CFAP52: variants seen among roughly 807,000 people sequenced by gnomAD.
CFAP52 encodes the protein cilia and flagella associated protein 52, also known as cilia- and flagella-associated protein 52.
Under a neutral mutation model 70.5 loss-of-function variants are expected in CFAP52, and 57 were observed. That is an observed-to-expected ratio of 0.81 (90% CI 0.65 to 1.01). The LOEUF (loss-of-function observed/expected upper bound fraction) is 1.01, where lower values mean the gene tolerates loss of function less well. Ranked by LOEUF, CFAP52 falls within the 50% of genes least tolerant of loss-of-function variation. The pLI is 0.00. For missense variants in CFAP52, 785 were observed against 788.5 expected, an observed-to-expected ratio of 1.00 and a Z score of 0.05; for synonymous variants, 267 against 292.5, an observed-to-expected ratio of 0.91 and a Z score of 0.89.
intron 9 of CFAP52, among the ~76,000 whole-genome samples, chr17:9,630,155 G>A (rs1910410674): frequency 6.6e-6 from 1 of 151,672 alleles, no homozygotes; most frequent in Non-Finnish European, 1.5e-5. Context: ...CTAGCCACCA[G>A]CATCTCTCCC....
At chr17:9,581,850 G>A (rs550464162) in intron 1 of CFAP52, among the ~76,000 whole-genome samples, 2 of 152,158 alleles carry the variant, frequency 1.3e-5, no homozygotes, top group Admixed American at 6.5e-5. Context: ...TTCCCACTCC[G>A]CAGTTCCACT....
At chr17:9,638,834 T>C in intron 12 of CFAP52, 123 bp downstream of exon 12, 1 of 877,792 alleles carries the variant, frequency 1.1e-6, no homozygotes, top group Admixed American at 2.1e-5. Flanking sequence ...CTGTCATCAA[T>C]CAGCCATGCC....
chr17:9,580,456 G>C (rs1207033567), intron 1 of CFAP52, among the ~76,000 whole-genome samples: 1 of 152,182 alleles, frequency 6.6e-6, no homozygotes, highest in East Asian at 1.9e-4. Context: ...GGGAGGTTGA[G>C]GCAGGAAGAT....
At chr17:9,592,813 C>T (rs999575410) in intron 3 of CFAP52, among the ~76,000 whole-genome samples, 6 of 152,310 alleles carry the variant, frequency 3.9e-5, no homozygotes, top group African/African-American at 1.4e-4. Flanking sequence ...AATAATGGCG[C>T]TATGAACATT....
At chr17:9,608,803 T>C (rs1909606934) in intron 7 of CFAP52, among the ~76,000 whole-genome samples, 1 of 152,158 alleles carries the variant, frequency 6.6e-6, no homozygotes, top group Non-Finnish European at 1.5e-5. Context: ...ACCAAACCAA[T>C]GTATTAGATA....
In CFAP52 at chr17:9,594,110, A is replaced by G. The variant is rs904586368; in HGVS notation, c.408-83A>G. ...TAACCTGTTGTGTTTTTTTCTTTCT[A>G]GAACCACTAAGATGGTTGTTTCTTA... On this transcript the variant is annotated intron_variant, in intron 3 of 13. Transcript: ENST00000352665. 1.9e-5 allele frequency: 28 copies of G among 1,479,058 alleles called. No individual in the cohort carries two copies. In the African/African-American group the frequency reaches 3.7e-4, roughly 20 times the overall value. 91.6% of individuals were successfully genotyped at this position (1,479,058 alleles called of 1,614,324 possible). A position where few individuals can be genotyped will look rare whatever the true frequency, so the allele number is the denominator to read the frequency against.
At chr17:9,633,504 C>G (rs1185822781) in intron 10 of CFAP52, among the ~76,000 whole-genome samples, 1 of 151,986 alleles carries the variant, frequency 6.6e-6, no homozygotes, top group Non-Finnish European at 1.5e-5. Context: ...CATGCCTGGC[C>G]TATAAATATA....
intron 1 of CFAP52, among the ~76,000 whole-genome samples, chr17:9,583,290 T>C (rs991137050): frequency 3.3e-5 from 5 of 152,146 alleles, no homozygotes; most frequent in African/African-American, 2.4e-5. Context: ...AAAAAAATCA[T>C]TTATTCAATA....
In CFAP52 at chr17:9,638,624, T is replaced by A. The variant is rs561056366; in HGVS notation, c.1488T>A (p.Asn496Lys). ...IIWDLVRLRR[N>K]QMILANTLFQ... is the part of the protein sequence containing the mutation. ...TACTTTCCAGGCGTCTCAGGAGGAA[T>A]CAGATGATACTAGCCAACACCTTAT... The change falls in exon 12 of 14, where the codon AAT (asparagine) becomes AAA (lysine). Residue 496 changes from asparagine (N) to lysine (K), a missense_variant. By Grantham distance (94) the Asn-to-Lys change is moderately conservative (BLOSUM62 0). Transcript: ENST00000352665. 6.2e-7 allele frequency: 1 copy of A among 1,614,144 alleles called. No individual in the cohort carries two copies.
intron 4 of CFAP52, among the ~76,000 whole-genome samples, chr17:9,595,717 C>T (rs1001565793): frequency 6.6e-6 from 1 of 151,832 alleles, no homozygotes; most frequent in African/African-American, 2.4e-5. Flanking sequence ...ACACTGAGAA[C>T]TGAGAAAGTG....
chr17:9,581,431 G>T (rs769642521), intron 1 of CFAP52, among the ~76,000 whole-genome samples: 2 of 152,124 alleles, frequency 1.3e-5, no homozygotes, highest in Non-Finnish European at 2.9e-5. Flanking sequence ...GAGGAAAGAT[G>T]TCAAAGATAT....
chr17:9,628,335 A>C (rs1910316750), intron 8 of CFAP52, among the ~76,000 whole-genome samples: 1 of 149,364 alleles, frequency 6.7e-6, no homozygotes, highest in South Asian at 2.1e-4. Context: ...GCTGGAGTGC[A>C]GTGGCCCCAT....
In CFAP52 at chr17:9,598,290, A is replaced by T; in HGVS notation, c.593A>T (p.Glu198Val). 6.2e-7 allele frequency: 1 copy of T among 1,613,454 alleles called. No individual in the cohort carries two copies. The highest frequency in any genetic ancestry group is 1.1e-5 in the South Asian group (1 of 91,048). ...DLPNRKIWPT[E>V]CQTGQLKRIV... ...CCAAATAGAAAAATCTGGCCAACTG[A>T]GTGCCAAACAGGACAGTTGAAAAGA... Residue 198 changes from glutamate (E) to valine (V), a missense_variant, in exon 5 of 14, where the codon GAG (glutamate) becomes GTG (valine). Transcript: ENST00000352665.
At chr17:9,580,550 A>G (rs1399226239) in intron 1 of CFAP52, among the ~76,000 whole-genome samples, 1 of 152,070 alleles carries the variant, frequency 6.6e-6, no homozygotes, top group Non-Finnish European at 1.5e-5. Flanking sequence ...ATAGCCAGGC[A>G]TGGCGATGCA....
Position 9,599,442 on chromosome 17 carries a change from G to A in CFAP52, c.637-625G>A, listed in dbSNP as rs190700519. 2.6e-5 allele frequency among the ~76,000 whole-genome samples: 4 copies of A among 152,264 alleles called. No individual in the cohort carries two copies. The East Asian group carries it at 7.7e-4, about 29-fold the overall frequency. On this transcript the variant is annotated intron_variant, in intron 5 of 13. Coordinates refer to ENST00000352665, the MANE Select transcript of CFAP52 (RefSeq NM_145054.5). ...TTGGAGGGGCACACCTTTATCCTAG[G>A]AGCCCTTAAGAGATGTCTCAAAATT...
At chr17:9,601,714 C>G (rs1168098045) in intron 6 of CFAP52, among the ~76,000 whole-genome samples, 2 of 152,106 alleles carry the variant, frequency 1.3e-5, no homozygotes, top group Admixed American at 6.6e-5. Flanking sequence ...ATATTTATAC[C>G]AAAATAAAAA....
intron 11 of CFAP52, among the ~76,000 whole-genome samples, chr17:9,636,686 G>T (rs952231854): frequency 6.6e-6 from 1 of 152,086 alleles, no homozygotes; most frequent in Non-Finnish European, 1.5e-5. Flanking sequence ...AAGGAGGCAC[G>T]CACGACAAAG....
At chr17:9,636,196 AAAG>A (rs1402745163) in intron 11 of CFAP52, among the ~76,000 whole-genome samples, 2 of 101,024 alleles carry the variant, frequency 2.0e-5, no homozygotes, top group East Asian at 1.1e-3. Flanking sequence ...AGAAAGAAAG[AAAG>A]AAAGAAAGAA....
At position 9,624,516 on chromosome 17, in the gene CFAP52, ATATAAT is replaced by A. The variant is rs1331706518; in HGVS notation, c.1026-4149_1026-4144del. Among the ~76,000 whole-genome samples, 8 of 152,184 alleles carry A rather than the reference ATATAAT, an allele frequency of 5.3e-5. No homozygotes were observed. In the East Asian group the frequency reaches 1.5e-3, roughly 29 times the overall value. On this transcript the variant is annotated intron_variant, in intron 8 of 13. Transcript: ENST00000352665. ...GAAGAATATATAATTGCTATAAGGTATATAATTATAATATTACATATATAGTTTCTA... is the reference window on the plus strand; with the variant it reads ...GAAGAATATATAATTGCTATAAGGTATATAATATTACATATATAGTTTCTA...
Sources: gnomAD v4.1 joint callset for allele counts (sites outside exome capture counted in the v4.1 genomes callset) on GRCh38, gnomAD v4.1.1 for gene constraint, MANE v1.5 for transcripts, NCBI Gene and HGNC (gene_info 2026-07-23, HGNC 2026-07-21) for gene names.